The following FKBP1B variants were observed in gnomAD, a reference collection of about 807,000 sequenced individuals.
FKBP1B encodes peptidyl-prolyl cis-trans isomerase FKBP1B.
Under a neutral mutation model 13.5 loss-of-function variants are expected in FKBP1B, and 4 were observed. The ratio of observed to expected loss-of-function variants is 0.30; its 90% CI spans 0.15 to 0.68. The LOEUF is 0.68. Among genes scored for constraint, FKBP1B ranks in the 30% least tolerant of loss-of-function variants. The probability of loss-of-function intolerance (pLI) is 0.76; values close to 1 mark genes in which losing one functional copy is unlikely to be tolerated. For synonymous variants in FKBP1B, 54 were observed against 53.6 expected, an observed-to-expected ratio of 1.01 and a Z score of -0.03; for missense variants, 93 against 136.2, an observed-to-expected ratio of 0.68 and a Z score of 1.58.
chr2:24,049,644 C>T (rs113594441), upstream of FKBP1B: 7 of 379,118 alleles, frequency 1.8e-5, no homozygotes, highest in East Asian at 1.5e-4. Flanking sequence ...CCCGCCCCGG[C>T]CGACCCCACC....
chr2:24,034,574 C>CT, the FKBP1B span, among the ~76,000 whole-genome samples: 109,027 of 138,072 alleles, frequency 0.79, 44,218 homozygotes, highest in East Asian at 0.94. Flanking sequence ...GGCAACAAAA[C>CT]TTTTTTTTTT....
chr2:24,054,116 G>A (rs1292348206), intron 2 of FKBP1B, 167 bp downstream of exon 2: 1 of 734,978 alleles, frequency 1.4e-6, no homozygotes, highest in South Asian at 1.5e-5. Flanking sequence ...AGTCTAGTGG[G>A]AATGATAAAG....
At chr2:24,057,712 T>G (rs777656920) in intron 2 of FKBP1B, among the ~76,000 whole-genome samples, 12 of 151,870 alleles carry the variant, frequency 7.9e-5, no homozygotes, top group Non-Finnish European at 1.5e-4. Flanking sequence ...GAGGAAGGTC[T>G]CCCTATGTTG....
At chr2:24,062,509 T>C (rs1413791909) in intron 3 of FKBP1B, among the ~76,000 whole-genome samples, 1 of 152,078 alleles carries the variant, frequency 6.6e-6, no homozygotes, top group African/African-American at 2.4e-5. Context: ...GACAGGGTTT[T>C]GCCATATTAG....
the FKBP1B span, among the ~76,000 whole-genome samples, chr2:24,042,205 C>G: frequency 3.3e-5 from 5 of 151,828 alleles, no homozygotes; most frequent in Non-Finnish European, 7.4e-5. Flanking sequence ...AGCTCAAAAC[C>G]AGCCTGACCA....
upstream of FKBP1B, among the ~76,000 whole-genome samples, chr2:24,049,361 C>T (rs1663740213): frequency 6.6e-6 from 1 of 151,934 alleles, no homozygotes; most frequent in Non-Finnish European, 1.5e-5. Context: ...AGAGCAAGAT[C>T]CTCTGTCTAA....
chr2:24,056,863 A>C (rs761379705), intron 2 of FKBP1B, among the ~76,000 whole-genome samples: 27 of 149,948 alleles, frequency 1.8e-4, no homozygotes, highest in Admixed American at 6.6e-5. Flanking sequence ...GCTAATTTTG[A>C]GGTTTTTAGT....
At chr2:24,039,552 T>C in the FKBP1B span, 1 of 1,553,066 alleles carries the variant, frequency 6.4e-7, no homozygotes, top group African/African-American at 1.4e-5. Context: ...ATGAGAAATC[T>C]AGACAAATCT....
intron 2 of FKBP1B, among the ~76,000 whole-genome samples, chr2:24,056,222 T>C (rs1202184568): frequency 6.6e-6 from 1 of 152,034 alleles, no homozygotes. Context: ...ACTCCTGACC[T>C]CAGGTGATCT....
chr2:24,038,605 C>A, the FKBP1B span: 2 of 1,614,028 alleles, frequency 1.2e-6, no homozygotes, highest in Non-Finnish European at 1.7e-6. Flanking sequence ...AAGAGAATTA[C>A]CCTCAGACTT....
chr2:24,035,479 T>A, the FKBP1B span, among the ~76,000 whole-genome samples: 1 of 152,096 alleles, frequency 6.6e-6, no homozygotes, highest in African/African-American at 2.4e-5. Context: ...TTTATTAAAA[T>A]ACAGTTTTGC....
At chr2:24,044,102 A>AC in the FKBP1B span, among the ~76,000 whole-genome samples, 1 of 152,208 alleles carries the variant, frequency 6.6e-6, no homozygotes, top group South Asian at 2.1e-4. Flanking sequence ...GCCATGATAC[A>AC]CTTTCATGGG....
chr2:24,043,293 A>C, the FKBP1B span, among the ~76,000 whole-genome samples: 1 of 152,162 alleles, frequency 6.6e-6, no homozygotes, highest in Non-Finnish European at 1.5e-5. Context: ...CCAAGATGGC[A>C]CCACTGCACT....
intron 3 of FKBP1B, 26 bp downstream of exon 3, chr2:24,060,952 G>A (rs773769328): frequency 1.9e-5 from 29 of 1,559,448 alleles, no homozygotes; most frequent in Non-Finnish European, 2.5e-5. Context: ...GCATTAAAGG[G>A]GATCTGGGGA....
In FKBP1B at chr2:24,063,411, T is replaced by G; in HGVS notation, c.*219T>G. The G allele has an allele frequency of 2.0e-6, 1 of 505,390 alleles. No homozygotes were observed. Among genetic ancestry groups the G allele is most frequent in the Non-Finnish European group, 3.5e-6 (1 of 289,722 alleles). The allele number at this position is 505,390 out of a possible 1,614,324, so 31.3% of individuals were successfully genotyped here. A position where few individuals can be genotyped will look rare whatever the true frequency, so the allele number is the denominator to read the frequency against. ...GAAACTTCGGTTGCAGATTGAAGCA[T>G]TTCAGGTTGTGCATTTTGTGTGATG... On this transcript the variant is annotated 3_prime_UTR_variant, in exon 4 of 4. Transcript: ENST00000380986.
the FKBP1B span, among the ~76,000 whole-genome samples, chr2:24,040,924 GA>G: frequency 1.3e-5 from 2 of 152,208 alleles, no homozygotes; most frequent in Non-Finnish European, 2.9e-5. Flanking sequence ...GCTGAGGCAG[GA>G]GAATCGTTTG....
At chr2:24,043,961 G>A in the FKBP1B span, among the ~76,000 whole-genome samples, 2 of 151,836 alleles carry the variant, frequency 1.3e-5, no homozygotes, top group Non-Finnish European at 2.9e-5. Context: ...CTTGCTAAAC[G>A]GAGAAAAAAG....
At chr2:24,055,902 T>C (rs1481960860) in intron 2 of FKBP1B, among the ~76,000 whole-genome samples, 1 of 152,206 alleles carries the variant, frequency 6.6e-6, no homozygotes, top group African/African-American at 2.4e-5. Context: ...CCAAAGTCGT[T>C]GTGCCAGTTT....
At chr2:24,049,578 T>C, upstream of FKBP1B, 1 of 344,376 alleles carries the variant, frequency 2.9e-6, no homozygotes, top group East Asian at 4.3e-5. Context: ...AGTGGGTTAA[T>C]GTCGTCAGGC....
Sources: allele counts gnomAD v4.1 joint callset (sites outside exome capture counted in the v4.1 genomes callset), GRCh38; gene constraint gnomAD v4.1.1; transcripts MANE v1.5; gene names NCBI Gene and HGNC (gene_info 2026-07-23, HGNC 2026-07-21).